Variants in CNTNAP2 observed in about 807,000 individuals in gnomAD.
CNTNAP2 encodes the protein contactin associated protein 2.
In CNTNAP2, 98 loss-of-function variants were observed where a neutral mutation model predicts 155.2. The observed-to-expected ratio is 0.63, with a 90% CI of 0.54 to 0.75. CNTNAP2 has a LOEUF of 0.75. Among genes scored for constraint, CNTNAP2 ranks in the 30% least tolerant of loss-of-function variants. The probability of loss-of-function intolerance (pLI) is 0.00; values close to 1 mark genes in which losing one functional copy is unlikely to be tolerated. For missense variants in CNTNAP2, 1,727 were observed against 1,688.1 expected, an observed-to-expected ratio of 1.02 and a Z score of -0.40; for synonymous variants, 651 against 631.2, an observed-to-expected ratio of 1.03 and a Z score of -0.47.
At chr7:147,116,466 A>T (rs1257224539) in intron 5 of CNTNAP2, among the ~76,000 whole-genome samples, 3 of 152,158 alleles carry the variant, frequency 2.0e-5, no homozygotes. Flanking sequence ...CCCACCCTTC[A>T]GGCACTTTGT....
At chr7:147,670,278 C>T (rs1795766237) in intron 13 of CNTNAP2, among the ~76,000 whole-genome samples, 1 of 152,064 alleles carries the variant, frequency 6.6e-6, no homozygotes, top group Non-Finnish European at 1.5e-5. Flanking sequence ...AAAGGGAAGA[C>T]CTGAGGTCCG....
At chr7:148,110,638 G>A (rs1478008075) in intron 15 of CNTNAP2, among the ~76,000 whole-genome samples, 2 of 152,200 alleles carry the variant, frequency 1.3e-5, no homozygotes, top group Admixed American at 1.3e-4. Context: ...AGGCAGGTGG[G>A]AAGCAAGCTG....
chr7:146,728,595 C>T (rs1249068613), intron 1 of CNTNAP2, among the ~76,000 whole-genome samples: 3 of 141,074 alleles, frequency 2.1e-5, no homozygotes, highest in Non-Finnish European at 3.0e-5. Flanking sequence ...ATTTAATATA[C>T]ACAATTTTTA....
At chr7:146,333,326 G>A (rs1291818507) in intron 1 of CNTNAP2, among the ~76,000 whole-genome samples, 1 of 152,150 alleles carries the variant, frequency 6.6e-6, no homozygotes, top group African/African-American at 2.4e-5. Flanking sequence ...TTCTTGCAAT[G>A]TTGGGTGATC....
At chr7:147,898,837 G>A (rs2538971) in intron 13 of CNTNAP2, among the ~76,000 whole-genome samples, 134,206 of 152,240 alleles carry the variant, frequency 0.88, 59,555 homozygotes, top group East Asian at 1. Context: ...TTAATTGACT[G>A]GCTATTTTGG....
At chr7:148,159,846 G>C (rs1195890730) in intron 17 of CNTNAP2, among the ~76,000 whole-genome samples, 4 of 152,150 alleles carry the variant, frequency 2.6e-5, no homozygotes, top group Non-Finnish European at 5.9e-5. Context: ...ATGTGTTCAT[G>C]ATCTTCTTGA....
chr7:146,616,895 C>T (rs1354969304), intron 1 of CNTNAP2, among the ~76,000 whole-genome samples: 1 of 151,962 alleles, frequency 6.6e-6, no homozygotes, highest in Non-Finnish European at 1.5e-5. Context: ...ACAGTTTATT[C>T]CATAGAAAAA....
intron 9 of CNTNAP2, among the ~76,000 whole-genome samples, chr7:147,383,470 A>G (rs1368293023): frequency 6.6e-6 from 1 of 152,210 alleles, no homozygotes; most frequent in Non-Finnish European, 1.5e-5. Context: ...TTTTAAAAAG[A>G]TACATAGTGC....
rs540005798 is a variant in CNTNAP2, at chr7:146,321,267, A to G, written c.97+204294A>G. Among the ~76,000 whole-genome samples, 21 of 152,318 alleles carry G rather than the reference A, an allele frequency of 1.4e-4. 1 individual carries two copies. The East Asian group carries it at 3.7e-3, about 27-fold the overall frequency. ...GGCATTATTTCCTTTGAGTATTTTTATTGTCATAGAATCAGATATAAATTA... is the reference window on the plus strand; with the variant it reads ...GGCATTATTTCCTTTGAGTATTTTTGTTGTCATAGAATCAGATATAAATTA... On this transcript the variant is annotated intron_variant, in intron 1 of 23. Transcript: ENST00000361727.
chr7:147,394,324 G>A (rs758471641), intron 9 of CNTNAP2, among the ~76,000 whole-genome samples: 6 of 151,890 alleles, frequency 4.0e-5, no homozygotes, highest in Non-Finnish European at 7.4e-5. Context: ...ACCCAGTCTT[G>A]GCATGTCTTT....
chr7:146,482,206 GA>G (rs749887909), intron 1 of CNTNAP2, among the ~76,000 whole-genome samples: 1,507 of 82,154 alleles, frequency 0.018, 9 homozygotes, highest in East Asian at 0.049. Context: ...CTAAGAATTA[GA>G]AAAAAAAAAA....
intron 1 of CNTNAP2, among the ~76,000 whole-genome samples, chr7:146,719,499 T>C (rs1273543069): frequency 6.6e-6 from 1 of 152,186 alleles, no homozygotes; most frequent in Non-Finnish European, 1.5e-5. Context: ...GGCAGATTTC[T>C]AGATTTTAAT....
intron 12 of CNTNAP2, chr7:147,638,871 T>C: frequency 1.5e-6 from 1 of 660,836 alleles, no homozygotes; most frequent in Non-Finnish European, 2.8e-6. Flanking sequence ...TTGCCTTGCT[T>C]TCAGGAGGTA....
At chr7:146,298,606 CTTTG>C (rs993424373) in intron 1 of CNTNAP2, among the ~76,000 whole-genome samples, 1 of 152,194 alleles carries the variant, frequency 6.6e-6, no homozygotes, top group Non-Finnish European at 1.5e-5. Context: ...TGGAGTTTAG[CTTTG>C]TTTGGTTGTT....
rs531910471 is a variant in CNTNAP2 at position 147,008,696 on chromosome 7, CAAAAG to C, written c.403-35205_403-35201del. On this transcript the variant is annotated intron_variant, in intron 3 of 23. Transcript: ENST00000361727. ...ATAATTTTATAGATAAGCAGCAAAA[CAAAAG>C]AAAAGGACTTTGAACCTCTGCGGCC... Among the ~76,000 whole-genome samples, 190 of 152,076 alleles carry C rather than the reference CAAAAG, an allele frequency of 1.2e-3. 1 individual carries two copies. Among genetic ancestry groups the C allele is most frequent in the Non-Finnish European group, 2.2e-3 (147 of 67,944 alleles).
chr7:147,156,390 G>T (rs1224300785), intron 8 of CNTNAP2, among the ~76,000 whole-genome samples: 2 of 152,160 alleles, frequency 1.3e-5, no homozygotes, highest in Non-Finnish European at 2.9e-5. Context: ...GATATGCTTT[G>T]TTCTCATTCT....
rs540419032 is a variant in CNTNAP2, at chr7:147,678,489, C to T, written c.2098+39183C>T. Among the ~76,000 whole-genome samples the T allele has an allele frequency of 3.9e-5, 6 of 151,920 alleles. No homozygotes were observed. In the East Asian group the frequency reaches 1.2e-3, roughly 29 times the overall value. ...AATCATATGTCTTTCAAGGTCTTGGCTTTGTTAATACTGTCTTAACTGACT... is the reference window on the plus strand; with the variant it reads ...AATCATATGTCTTTCAAGGTCTTGGTTTTGTTAATACTGTCTTAACTGACT... On this transcript the variant is annotated intron_variant, in intron 13 of 23. Coordinates refer to ENST00000361727, the MANE Select transcript of CNTNAP2 (RefSeq NM_014141.6).
At chr7:146,864,832 CAAAA>C in intron 3 of CNTNAP2, among the ~76,000 whole-genome samples, 1 of 72,442 alleles carries the variant, frequency 1.4e-5, no homozygotes, top group Non-Finnish European at 2.6e-5. Flanking sequence ...CAAAACAAAA[CAAAA>C]CAGAACCTGC....
chr7:147,351,217 A>G (rs1266973775), intron 9 of CNTNAP2, among the ~76,000 whole-genome samples: 3 of 151,886 alleles, frequency 2.0e-5, no homozygotes, highest in African/African-American at 7.2e-5. Flanking sequence ...ATACTAATTT[A>G]CCTCTTTATG....
Sources: allele counts gnomAD v4.1 joint callset (sites outside exome capture counted in the v4.1 genomes callset), GRCh38; gene constraint gnomAD v4.1.1; transcripts MANE v1.5; gene names NCBI Gene and HGNC (gene_info 2026-07-23, HGNC 2026-07-21).